Variants in SLC30A9 observed in about 807,000 individuals in gnomAD.
The protein encoded by SLC30A9 is solute carrier family 30 member 9.
A neutral mutation model predicts 87.5 loss-of-function variants in SLC30A9; 58 were observed. The observed-to-expected ratio is 0.66, with a 90% CI of 0.54 to 0.82. SLC30A9 has a LOEUF of 0.82. Among genes scored for constraint, SLC30A9 ranks in the 40% least tolerant of loss-of-function variants. The pLI is 0.00. For missense variants in SLC30A9, 557 were observed against 679.1 expected (o/e 0.82, Z 2.00); for synonymous variants, 234 against 233.0 (o/e 1.00, Z -0.04).
intron 9 of SLC30A9, among the ~76,000 whole-genome samples, chr4:42,053,550 A>G (rs1464496202): frequency 6.6e-6 from 1 of 151,850 alleles, no homozygotes; most frequent in African/African-American, 2.4e-5. Context: ...ATAGCTGGGC[A>G]TGGTGATGGG....
At chr4:41,998,666 A>AT (rs1560533512) in intron 1 of SLC30A9, among the ~76,000 whole-genome samples, 4 of 151,946 alleles carry the variant, frequency 2.6e-5, no homozygotes, top group Non-Finnish European at 5.9e-5. Flanking sequence ...GGGTTTCACT[A>AT]TGTTGGCCAG....
At chr4:42,030,953 A>G (rs1195066475) in intron 6 of SLC30A9, among the ~76,000 whole-genome samples, 1 of 152,160 alleles carries the variant, frequency 6.6e-6, no homozygotes, top group Non-Finnish European at 1.5e-5. Context: ...TTCTGGGGGC[A>G]TCATGCTGAT....
rs1173176795 is a variant in SLC30A9 at position 42,087,170 on chromosome 4, G to A, written c.*1044G>A. On this transcript the variant is annotated 3_prime_UTR_variant, in exon 18 of 18. Coordinates refer to ENST00000264451, the MANE Select transcript of SLC30A9 (RefSeq NM_006345.4). ...CTGTGAGTTTCTTCAGTTACAAATG[G>A]GCATTTAGTATAGTTATATTGACTA... The A allele has an allele frequency of 6.6e-6, 1 of 151,978 alleles. No homozygotes were observed. Among genetic ancestry groups the A allele is most frequent in the Non-Finnish European group, 1.5e-5 (1 of 68,006 alleles). 9.4% of individuals were successfully genotyped at this position (151,978 alleles called of 1,614,324 possible). A position where few individuals can be genotyped will look rare whatever the true frequency, so the allele number is the denominator to read the frequency against.
chr4:42,077,440 T>C (rs187265841), intron 16 of SLC30A9, among the ~76,000 whole-genome samples: 1 of 152,296 alleles, frequency 6.6e-6, no homozygotes, highest in Admixed American at 6.5e-5. Context: ...AGTCTCGCTC[T>C]GTCACCCAGG....
intron 3 of SLC30A9, 133 bp downstream of exon 3, chr4:42,018,303 A>G: frequency 1.3e-6 from 1 of 755,234 alleles, no homozygotes; most frequent in South Asian, 1.8e-5. Context: ...ATTTAAATAG[A>G]TTGACCATAA....
chr4:42,077,749 A>G (rs1292980834), intron 16 of SLC30A9, among the ~76,000 whole-genome samples: 1 of 151,926 alleles, frequency 6.6e-6, no homozygotes, highest in African/African-American at 2.4e-5. Context: ...ATTTAATATG[A>G]TTTTTAATTT....
intron 2 of SLC30A9, among the ~76,000 whole-genome samples, chr4:42,012,188 A>G (rs1022499464): frequency 1.3e-5 from 2 of 152,216 alleles, no homozygotes; most frequent in African/African-American, 4.8e-5. Flanking sequence ...TTTAAAAACC[A>G]AAACACGAAA....
At chr4:42,072,542 A>G (rs1388528105) in intron 15 of SLC30A9, among the ~76,000 whole-genome samples, 1 of 151,810 alleles carries the variant, frequency 6.6e-6, no homozygotes, top group African/African-American at 2.4e-5. Context: ...ATTTTTACGT[A>G]TTTGTGAGTT....
intron 15 of SLC30A9, among the ~76,000 whole-genome samples, chr4:42,074,844 T>C (rs985185901): frequency 2.6e-5 from 4 of 151,696 alleles, no homozygotes. Context: ...CTTCACAGCA[T>C]TGTATGAAGA....
At chr4:42,023,909 T>C (rs531495507) in intron 6 of SLC30A9, among the ~76,000 whole-genome samples, 64 of 152,204 alleles carry the variant, frequency 4.2e-4, no homozygotes, top group African/African-American at 1.5e-3. Context: ...CAAACACTTA[T>C]AAAACCATCA....
chr4:42,084,014 G>A (rs1219230271), intron 17 of SLC30A9, among the ~76,000 whole-genome samples: 2 of 152,110 alleles, frequency 1.3e-5, no homozygotes, highest in African/African-American at 4.8e-5. Context: ...GCCAGATTTT[G>A]TTTTTATAAC....
chr4:42,059,610 T>C (rs1218988617), intron 9 of SLC30A9, among the ~76,000 whole-genome samples: 4 of 152,174 alleles, frequency 2.6e-5, no homozygotes, highest in South Asian at 2.1e-4. Context: ...AAAGTTGTTA[T>C]TATCTTTTAC....
chr4:42,029,478 T>G, intron 6 of SLC30A9: 1 of 660,520 alleles, frequency 1.5e-6, no homozygotes, highest in Non-Finnish European at 2.8e-6. Context: ...AGACTGAAAT[T>G]GCCTTTCATC....
intron 17 of SLC30A9, among the ~76,000 whole-genome samples, chr4:42,083,774 T>C (rs975020350): frequency 2.6e-5 from 4 of 152,200 alleles, no homozygotes; most frequent in Non-Finnish European, 4.4e-5. Flanking sequence ...GGAGAATTTT[T>C]TTTTAATTCT....
chr4:42,011,352 C>G lies in SLC30A9; in HGVS notation c.275-6759C>G, dbSNP rs114981172. On this transcript the variant is annotated intron_variant, in intron 2 of 17. Transcript: ENST00000264451. ...TCTGATTACCTCCTCCTGGTCCTGCCCTTGACACATGGGGATTATGGGGAT... is the reference window on the plus strand; with the variant it reads ...TCTGATTACCTCCTCCTGGTCCTGCGCTTGACACATGGGGATTATGGGGAT... 1.2e-3 allele frequency among the ~76,000 whole-genome samples: 177 copies of G among 152,220 alleles called. 3 individuals are homozygous for G. Among genetic ancestry groups the G allele is most frequent in the African/African-American group, 4.1e-3 (171 of 41,520 alleles).
At chr4:42,068,617 T>C (rs1343186790) in intron 14 of SLC30A9, among the ~76,000 whole-genome samples, 1 of 152,216 alleles carries the variant, frequency 6.6e-6, no homozygotes, top group African/African-American at 2.4e-5. Flanking sequence ...CCCTATAAAG[T>C]CGCAGTTTCT....
chr4:42,063,163 ATAGTGATTGTGTACAG>A (rs2153139921), intron 11 of SLC30A9, 42 bp downstream of exon 11: 1 of 1,591,100 alleles, frequency 6.3e-7, no homozygotes, highest in Non-Finnish European at 8.6e-7. Context: ...GTCTTATGAC[ATAGTGATTGTGTACAG>A]TAGAAGGCCT....
chr4:42,017,224 TC>T (rs1345475395), intron 2 of SLC30A9, among the ~76,000 whole-genome samples: 1 of 152,318 alleles, frequency 6.6e-6, no homozygotes, highest in East Asian at 1.9e-4. Context: ...TATTTGTATA[TC>T]CTTTTCTGTG....
chr4:42,035,256 T>G lies in SLC30A9; in HGVS notation c.611-19T>G. The G allele has an allele frequency of 2.0e-5, 31 of 1,585,180 alleles. No homozygotes were observed. Among genetic ancestry groups the G allele is most frequent in the Non-Finnish European group, 2.6e-5 (30 of 1,157,222 alleles). ...GGTAAGAATATCTATGACCTAAATT[T>G]ATTTTGTTATTCTTACAGGGCTATT... On this transcript the variant is annotated intron_variant, in intron 6 of 17. Coordinates refer to ENST00000264451, the MANE Select transcript of SLC30A9 (RefSeq NM_006345.4).
Sources: gnomAD v4.1 joint callset for allele counts (sites outside exome capture counted in the v4.1 genomes callset) on GRCh38, gnomAD v4.1.1 for gene constraint, MANE v1.5 for transcripts, NCBI Gene and HGNC (gene_info 2026-07-23, HGNC 2026-07-21) for gene names.